OSTF1: variants seen among roughly 807,000 people sequenced by gnomAD.
OSTF1 encodes osteoclast stimulating factor 1.
A neutral mutation model predicts 37.2 loss-of-function variants in OSTF1; 27 were observed. That is an observed-to-expected ratio of 0.73 (90% CI 0.54 to 1.00). OSTF1 has a LOEUF of 1.00. Among genes scored for constraint, OSTF1 ranks in the 50% least tolerant of loss-of-function variants. OSTF1 has a pLI of 0.00. For synonymous variants in OSTF1, 82 were observed against 89.2 expected (o/e 0.92, Z 0.46); for missense variants, 232 against 253.8 (o/e 0.91, Z 0.58).
intron 1 of OSTF1, among the ~76,000 whole-genome samples, chr9:75,096,442 G>A (rs990336333): frequency 5.3e-5 from 8 of 152,196 alleles, no homozygotes; most frequent in African/African-American, 1.9e-4. Context: ...TTTCTGCTGG[G>A]TGCTCCCAAT....
chr9:75,141,825 G>A (rs1387353712), intron 9 of OSTF1, among the ~76,000 whole-genome samples: 4 of 152,144 alleles, frequency 2.6e-5, no homozygotes, highest in East Asian at 3.9e-4. Flanking sequence ...ATAGCTCACT[G>A]CAGCCTCAAA....
intron 1 of OSTF1, among the ~76,000 whole-genome samples, chr9:75,093,060 C>CTTTTTTTTTTTTTTTTTTTTTTTTTTTT (rs1433476660): frequency 7.4e-6 from 1 of 134,950 alleles, no homozygotes; most frequent in African/African-American, 3.1e-5. Context: ...CTCTTTCTTT[C>CTTTTTTTTTTTTTTTTTTTTTTTTTTTT]TTTCTTTTTT....
chr9:75,127,507 T>C, intron 2 of OSTF1, 62 bp from the exon 3 acceptor site: 1 of 886,832 alleles, frequency 1.1e-6, no homozygotes, highest in Non-Finnish European at 1.8e-6. Flanking sequence ...ATTTTGAATC[T>C]ATATAATCAT....
intron 1 of OSTF1, 36 bp from the exon 2 acceptor site, chr9:75,117,468 G>C: frequency 6.5e-7 from 1 of 1,533,352 alleles, no homozygotes; most frequent in Non-Finnish European, 9.0e-7. Flanking sequence ...ATTCAGGAAT[G>C]AAAAATTCAG....
intron 9 of OSTF1, among the ~76,000 whole-genome samples, chr9:75,141,260 C>T (rs1381555204): frequency 2.8e-5 from 4 of 140,478 alleles, no homozygotes; most frequent in East Asian, 2.1e-4. Context: ...GTGATCGCAC[C>T]ACTGCATTCC....
chr9:75,144,081 C>G (rs1208463956), intron 9 of OSTF1, among the ~76,000 whole-genome samples: 1 of 152,180 alleles, frequency 6.6e-6, no homozygotes, highest in East Asian at 1.9e-4. Context: ...CTATTTGTCT[C>G]TCAGGCTTTA....
intron 1 of OSTF1, among the ~76,000 whole-genome samples, chr9:75,089,065 T>C (rs1488381025): frequency 6.6e-6 from 1 of 152,036 alleles, no homozygotes; most frequent in African/African-American, 2.4e-5. Flanking sequence ...GATCTCCCTT[T>C]AAAAAATGTC....
At chr9:75,125,557 G>A (rs1008648230) in intron 2 of OSTF1, among the ~76,000 whole-genome samples, 1 of 152,202 alleles carries the variant, frequency 6.6e-6, no homozygotes, top group Non-Finnish European at 1.5e-5. Context: ...TTTGTGCTAT[G>A]TGTAAGACTA....
intron 1 of OSTF1, among the ~76,000 whole-genome samples, chr9:75,094,664 T>TA (rs144781024): frequency 1.7e-4 from 25 of 149,544 alleles, no homozygotes; most frequent in South Asian, 8.4e-4. Flanking sequence ...AAGACTACAT[T>TA]AAAAAAAAAA....
At chr9:75,126,161 C>T (rs567249865) in intron 2 of OSTF1, among the ~76,000 whole-genome samples, 1 of 152,210 alleles carries the variant, frequency 6.6e-6, no homozygotes, top group East Asian at 1.9e-4. Context: ...GTGATCTGCC[C>T]GCCTCAGCCT....
chr9:75,095,896 CTT>C (rs565056095), intron 1 of OSTF1, among the ~76,000 whole-genome samples: 7 of 146,190 alleles, frequency 4.8e-5, no homozygotes, highest in African/African-American at 5.0e-5. Context: ...TGTGGCCCCC[CTT>C]TTTTTTTTTT....
intron 9 of OSTF1, among the ~76,000 whole-genome samples, chr9:75,146,151 T>C (rs1826020441): frequency 6.6e-6 from 1 of 152,246 alleles, no homozygotes; most frequent in Non-Finnish European, 1.5e-5. Context: ...CAAGTTTGCT[T>C]GAACATTTGA....
At chr9:75,109,076 A>T (rs1825339871) in intron 1 of OSTF1, among the ~76,000 whole-genome samples, 2 of 147,258 alleles carry the variant, frequency 1.4e-5, no homozygotes, top group South Asian at 4.3e-4. Flanking sequence ...GCTAGAGTGC[A>T]ATCTTGGCTC....
chr9:75,131,640 T>C (rs1442115085), intron 4 of OSTF1, 130 bp from the exon 5 acceptor site: 2 of 673,092 alleles, frequency 3.0e-6, no homozygotes, highest in African/African-American at 3.6e-5. Flanking sequence ...TTTATCCACA[T>C]TAAGTAAAGG....
At chr9:75,127,070 G>A (rs1480039070) in intron 2 of OSTF1, among the ~76,000 whole-genome samples, 2 of 152,114 alleles carry the variant, frequency 1.3e-5, no homozygotes, top group African/African-American at 2.4e-5. Flanking sequence ...TACAGAAAAT[G>A]TTCATTCTCC....
chr9:75,145,249 C>T (rs1026007241), intron 9 of OSTF1, among the ~76,000 whole-genome samples: 2 of 152,142 alleles, frequency 1.3e-5, no homozygotes, highest in Admixed American at 6.5e-5. Context: ...ACCTACCTAC[C>T]TAGCTATGTA....
intron 5 of OSTF1, 137 bp from the exon 6 acceptor site, chr9:75,133,157 A>G (rs888490195): frequency 8.6e-6 from 5 of 579,880 alleles, no homozygotes; most frequent in East Asian, 2.8e-5. Context: ...AAATGCATTA[A>G]TGGGGAGGTC....
intron 2 of OSTF1, among the ~76,000 whole-genome samples, chr9:75,122,245 G>A (rs1473034298): frequency 6.6e-6 from 1 of 152,166 alleles, no homozygotes; most frequent in African/African-American, 2.4e-5. Context: ...AAAGGTTGCT[G>A]GGCTGCACTA....
At chr9:75,139,487 G>T (rs752689649) in intron 8 of OSTF1, among the ~76,000 whole-genome samples, 1 of 152,100 alleles carries the variant, frequency 6.6e-6, no homozygotes, top group Non-Finnish European at 1.5e-5. Context: ...GGAGTGCAGT[G>T]GCGCAATCTT....
Sources: gnomAD v4.1 joint callset for allele counts (sites outside exome capture counted in the v4.1 genomes callset) on GRCh38, gnomAD v4.1.1 for gene constraint, MANE v1.5 for transcripts, NCBI Gene and HGNC (gene_info 2026-07-23, HGNC 2026-07-21) for gene names.